PRDM16: variants seen among roughly 807,000 people sequenced by gnomAD.
PRDM16 encodes histone-lysine N-methyltransferase PRDM16.
In PRDM16, 23 loss-of-function variants were observed where a neutral mutation model predicts 110.6. The ratio of observed to expected loss-of-function variants is 0.21; its 90% CI spans 0.15 to 0.29. The LOEUF is 0.29. Ranked by LOEUF, PRDM16 falls within the 10% of genes least tolerant of loss-of-function variation. The pLI is 1.00. For missense variants in PRDM16, 1,615 were observed against 1,794.3 expected (o/e 0.90, Z 1.81); for synonymous variants, 799 against 781.8 (o/e 1.02, Z -0.37).
At chr1:3,327,726 C>A (rs760122268) in intron 3 of PRDM16, among the ~76,000 whole-genome samples, 3 of 152,200 alleles carry the variant, frequency 2.0e-5, no homozygotes, top group Non-Finnish European at 4.4e-5. Context: ...CAAAGCGCCA[C>A]CACTGCACTT....
At chr1:3,102,443 C>T (rs1240388996) in intron 1 of PRDM16, among the ~76,000 whole-genome samples, 1 of 152,200 alleles carries the variant, frequency 6.6e-6, no homozygotes, top group African/African-American at 2.4e-5. Context: ...GGGATCTTAG[C>T]TGAGAGTTTC....
rs189478443 is a variant in PRDM16, at chr1:3,123,428, C to T, written c.37+54132C>T. The stretch of plus-strand genomic sequence containing the variant: ...GGTGGCTGAGATCAATGCCCAGGCA[C>T]GGGTGAAGGGTGTCTGCCAGCAGCT... On this transcript the variant is annotated intron_variant, in intron 1 of 16. Transcript: ENST00000270722. Among the ~76,000 whole-genome samples, 1,268 of 152,348 alleles carry T rather than the reference C, an allele frequency of 8.3e-3. 6 individuals are homozygous for T. The highest frequency in any genetic ancestry group is 0.022 in the South Asian group (105 of 4,834).
chr1:3,226,008 C>G (rs1639281952), intron 2 of PRDM16, among the ~76,000 whole-genome samples: 1 of 152,242 alleles, frequency 6.6e-6, no homozygotes, highest in South Asian at 2.1e-4. Context: ...GTGGTGGCCA[C>G]TTTTAGGACA....
intron 14 of PRDM16, 144 bp downstream of exon 14, chr1:3,426,369 G>A (rs1464376072): frequency 9.9e-6 from 6 of 608,532 alleles, no homozygotes; most frequent in Non-Finnish European, 1.7e-5. Flanking sequence ...CACAGAGGGT[G>A]AGGCCCCTGG....
intron 2 of PRDM16, among the ~76,000 whole-genome samples, chr1:3,186,798 G>A (rs1173869048): frequency 1.3e-5 from 2 of 152,332 alleles, no homozygotes; most frequent in East Asian, 3.9e-4. Flanking sequence ...GGCAGGGCAG[G>A]GAGATTAATA....
intron 2 of PRDM16, among the ~76,000 whole-genome samples, chr1:3,204,172 A>T (rs918540328): frequency 1.3e-5 from 2 of 152,200 alleles, no homozygotes; most frequent in African/African-American, 4.8e-5. Flanking sequence ...TTCCATTTGG[A>T]GATAATGTTA....
chr1:3,221,069 G>A (rs377636500), intron 2 of PRDM16, among the ~76,000 whole-genome samples: 1 of 152,218 alleles, frequency 6.6e-6, no homozygotes. Context: ...GAGGGGGGAC[G>A]GGTTGCCAGT....
rs578246289 is a variant in PRDM16, at chr1:3,246,283, C to A, written c.438+2146C>A. ...GCATGAGATGCTGTCCAGCCAGGGG[C>A]CTACTTCCAAGTGCCCAGGGCAGCA... On this transcript the variant is annotated intron_variant, in intron 3 of 16. Coordinates refer to ENST00000270722, the MANE Select transcript of PRDM16 (RefSeq NM_022114.4). The surrounding 1 kb of genome is among the most constrained non-coding windows in gnomAD (Gnocchi z 5.2). Among the ~76,000 whole-genome samples the A allele has an allele frequency of 2.0e-5, 3 of 152,284 alleles. No homozygotes were observed. The South Asian group carries it at 6.2e-4, about 32-fold the overall frequency.
chr1:3,257,394 C>T (rs1242026161), intron 3 of PRDM16, among the ~76,000 whole-genome samples: 1 of 152,126 alleles, frequency 6.6e-6, no homozygotes, highest in Admixed American at 6.5e-5. Flanking sequence ...CTGGTGTGGT[C>T]CCTCCAGAGT....
At chr1:3,402,450 G>A (rs1238442161) in intron 5 of PRDM16, among the ~76,000 whole-genome samples, 1 of 152,212 alleles carries the variant, frequency 6.6e-6, no homozygotes, top group East Asian at 1.9e-4. Context: ...CAAAGCACTT[G>A]GCCCGGCTTC....
rs1040864675 is a variant in PRDM16, at chr1:3,290,075, G to C, written c.438+45938G>C. 4.5e-4 allele frequency among the ~76,000 whole-genome samples: 69 copies of C among 152,186 alleles called. No individual in the cohort carries two copies. Among genetic ancestry groups the C allele is most frequent in the Non-Finnish European group, 1.6e-4 (11 of 68,044 alleles). ...TTTCTGGCTTTAAAAGTGTGCTCGT[G>C]AGCGCAGGGTGTTTTTCCTGAATGA... On this transcript the variant is annotated intron_variant, in intron 3 of 16. Transcript: ENST00000270722. The surrounding 1 kb of genome is among the most constrained non-coding windows in gnomAD (Gnocchi z 4.8).
intron 2 of PRDM16, among the ~76,000 whole-genome samples, chr1:3,210,522 C>T (rs1638859277): frequency 1.3e-5 from 2 of 152,364 alleles, no homozygotes; most frequent in African/African-American, 2.4e-5. Context: ...GTGACTTTCA[C>T]GTCTGATTCC....
chr1:3,240,031 A>C (rs1220250987), intron 2 of PRDM16, among the ~76,000 whole-genome samples: 20 of 129,584 alleles, frequency 1.5e-4, no homozygotes, highest in African/African-American at 5.7e-4. Flanking sequence ...AGAGAAGAGG[A>C]GAGGAGAAGA....
At chr1:3,149,919 T>C (rs1277768269) in intron 1 of PRDM16, among the ~76,000 whole-genome samples, 1 of 152,194 alleles carries the variant, frequency 6.6e-6, no homozygotes, top group African/African-American at 2.4e-5. Context: ...CTAGTTCCTG[T>C]TGGGCCTGGA....
Position 3,190,769 on chromosome 1 carries a change from C to G in PRDM16, c.387+4295C>G, listed in dbSNP as rs1342317703. Reference sequence around the variant, plus strand: ...AGGAAATCACCCGTGAGCGCATTTGCTCGCCGTGGGGTCTGCAAAAACAAT... The same window carrying G: ...AGGAAATCACCCGTGAGCGCATTTGGTCGCCGTGGGGTCTGCAAAAACAAT... On this transcript the variant is annotated intron_variant, in intron 2 of 16. Coordinates refer to ENST00000270722, the MANE Select transcript of PRDM16 (RefSeq NM_022114.4). This position sits in a 1 kb window ranked among gnomAD's most constrained non-coding sequence, Gnocchi z 5.0. 6.6e-6 allele frequency among the ~76,000 whole-genome samples: 1 copy of G among 152,248 alleles called. No individual in the cohort carries two copies. The highest frequency in any genetic ancestry group is 2.4e-5 in the African/African-American group (1 of 41,464).
At chr1:3,238,222 G>C (rs938408818) in intron 2 of PRDM16, 1 of 152,320 alleles carries the variant, frequency 6.6e-6, no homozygotes, top group African/African-American at 2.4e-5. Context: ...GGTGGGGGCA[G>C]GGGATGCGGA....
At chr1:3,180,983 C>G (rs1268714491) in intron 1 of PRDM16, among the ~76,000 whole-genome samples, 1 of 142,680 alleles carries the variant, frequency 7.0e-6, no homozygotes, top group Admixed American at 6.9e-5. Context: ...CTTACACACG[C>G]AGTCTTACAC....
chr1:3,389,870 T>C (rs979915347), intron 4 of PRDM16, among the ~76,000 whole-genome samples: 2 of 152,038 alleles, frequency 1.3e-5, no homozygotes, highest in African/African-American at 4.8e-5. Flanking sequence ...TGGGGGACTT[T>C]GACTTGCTGC....
intron 4 of PRDM16, among the ~76,000 whole-genome samples, chr1:3,388,561 A>G (rs949700923): frequency 2.6e-4 from 39 of 152,354 alleles, no homozygotes; most frequent in African/African-American, 9.1e-4. Context: ...CGTCCTAAAA[A>G]GAAAGTTCTG....
Sources: allele counts gnomAD v4.1 joint callset (sites outside exome capture counted in the v4.1 genomes callset), GRCh38; gene constraint gnomAD v4.1.1; non-coding constraint Gnocchi (gnomAD v3.1); transcripts MANE v1.5; gene names NCBI Gene and HGNC (gene_info 2026-07-23, HGNC 2026-07-21).